Variants in ATP11C observed in about 807,000 individuals in gnomAD.
The protein encoded by ATP11C is ATPase phospholipid transporting 11C (ATP11C blood group).
ATP11C carries 36 observed loss-of-function variants against 97.4 expected under a neutral mutation model. The ratio of observed to expected loss-of-function variants is 0.37; its 90% CI spans 0.28 to 0.49. ATP11C has a LOEUF of 0.49. Ranked by LOEUF, ATP11C falls within the 20% of genes least tolerant of loss-of-function variation. The pLI, the probability that ATP11C is intolerant of heterozygous loss-of-function variation, is 0.98. For missense variants in ATP11C, 730 were observed against 824.6 expected (o/e 0.89, Z 1.40); for synonymous variants, 275 against 290.9 (o/e 0.95, Z 0.56).
intron 25 of ATP11C, 99 bp downstream of exon 25, chrX:139,745,623 G>A: frequency 5.5e-6 from 5 of 901,969 alleles, no homozygotes; most frequent in Non-Finnish European, 7.5e-6. Context: ...TTTGTAAAAT[G>A]ATTACAGCTA....
chrX:139,910,591 G>C (rs765639058), intron 1 of ATP11C, among the ~76,000 whole-genome samples: 42 of 106,384 alleles, frequency 3.9e-4, no homozygotes, highest in African/African-American at 1.5e-3. Flanking sequence ...GGGTGACAGA[G>C]TGAGACTCTG....
At chrX:139,755,232 C>T (rs1937208229) in intron 23 of ATP11C, among the ~76,000 whole-genome samples, 2 of 111,748 alleles carry the variant, frequency 1.8e-5, no homozygotes, top group Admixed American at 1.9e-4. Context: ...ATCCCATTCA[C>T]AACAGCCACA....
chrX:139,845,668 C>T (rs1003831234), intron 1 of ATP11C, among the ~76,000 whole-genome samples: 4 of 111,973 alleles, frequency 3.6e-5, no homozygotes, highest in African/African-American at 1.3e-4. Context: ...TTAATTTTTA[C>T]TGTATTCATC....
chrX:139,781,271 A>T (rs887329780), intron 18 of ATP11C, among the ~76,000 whole-genome samples: 1 of 112,272 alleles, frequency 8.9e-6, no homozygotes, highest in African/African-American at 3.2e-5. Flanking sequence ...TATGTTTGTA[A>T]CTTTTTAATT....
At chrX:139,895,259 CT>C (rs1453547561) in intron 1 of ATP11C, among the ~76,000 whole-genome samples, 1 of 111,899 alleles carries the variant, frequency 8.9e-6, no homozygotes, top group Non-Finnish European at 1.9e-5. Context: ...AAAATCCCTA[CT>C]TTTAGAATAA....
intron 13 of ATP11C, 104 bp downstream of exon 13, chrX:139,789,223 C>A: frequency 9.4e-6 from 6 of 639,129 alleles, no homozygotes; most frequent in South Asian, 4.4e-5. Context: ...AACAAAAACA[C>A]AAAAGTCTAT....
At chrX:139,853,420 CAG>C (rs1603401945) in intron 1 of ATP11C, among the ~76,000 whole-genome samples, 1 of 95,129 alleles carries the variant, frequency 1.1e-5, no homozygotes, top group Admixed American at 1.0e-4. Flanking sequence ...GAGGAAGAGA[CAG>C]AGGAAGAGAC....
At chrX:139,747,711 A>G (rs189830650) in intron 24 of ATP11C, among the ~76,000 whole-genome samples, 3 of 112,168 alleles carry the variant, frequency 2.7e-5, no homozygotes, top group Non-Finnish European at 5.6e-5. Context: ...TCTATAATAC[A>G]CTACACAACG....
chrX:139,818,920 TGA>T (rs990160276), intron 3 of ATP11C, among the ~76,000 whole-genome samples: 16 of 111,995 alleles, frequency 1.4e-4, no homozygotes, highest in African/African-American at 5.2e-4. Context: ...AGTAAATGAA[TGA>T]GAGAGAGCAA....
At chrX:139,929,914 A>G (rs1355336792) in intron 1 of ATP11C, among the ~76,000 whole-genome samples, 1 of 111,291 alleles carries the variant, frequency 9.0e-6, no homozygotes. Flanking sequence ...GCCGTTTTTT[A>G]GCAATGATTA....
chrX:139,804,499 G>A lies in ATP11C; in HGVS notation c.527C>T (p.Ala176Val), dbSNP rs2082999424. 8.3e-7 allele frequency: 1 copy of A among 1,205,888 alleles called. No homozygotes were observed. The highest frequency in any genetic ancestry group is 2.2e-5 in the Admixed American group (1 of 45,867). Reference protein sequence around the residue: ...TTDGTCYVTTASLDGESNCKT... With the variant: ...TTDGTCYVTTVSLDGESNCKT... ...GCAATTGGATTCCCCATCAAGACTG[G>A]CTGTAGTGACATAACAGGTTCCATC... Residue 176 changes from alanine to valine, a missense_variant, in exon 6 of 30, where the codon GCC (alanine) becomes GTC (valine). Ala to Val is a moderately conservative substitution (Grantham distance 64). Coordinates refer to ENST00000682941, the MANE Select transcript of ATP11C (RefSeq NM_001353812.2).
chrX:139,845,283 C>A (rs1003477486), intron 1 of ATP11C, among the ~76,000 whole-genome samples: 11 of 111,888 alleles, frequency 9.8e-5, no homozygotes, highest in Admixed American at 9.4e-5. Flanking sequence ...GATTTAGTGA[C>A]CAGAGGGCAA....
At chrX:139,854,603 GAA>G (rs1395124216) in intron 1 of ATP11C, among the ~76,000 whole-genome samples, 1 of 109,361 alleles carries the variant, frequency 9.1e-6, no homozygotes, top group East Asian at 2.8e-4. Flanking sequence ...AGCCGTGAAA[GAA>G]AAAAAAAGTG....
At chrX:139,934,362 C>T (rs2085498772), upstream of ATP11C, among the ~76,000 whole-genome samples, 1 of 110,592 alleles carries the variant, frequency 9.0e-6, no homozygotes, top group Non-Finnish European at 1.9e-5. Flanking sequence ...GTTTTCAATT[C>T]TTCCCCTCTT....
chrX:139,861,135 T>A (rs1400760433), intron 1 of ATP11C, among the ~76,000 whole-genome samples: 3 of 112,039 alleles, frequency 2.7e-5, no homozygotes, highest in Non-Finnish European at 3.8e-5. Flanking sequence ...TTAACAAGAC[T>A]AATCTGTTTT....
intron 1 of ATP11C, among the ~76,000 whole-genome samples, chrX:139,853,833 C>CAAAAAA (rs934664774): frequency 1.9e-4 from 4 of 21,267 alleles, no homozygotes; most frequent in Non-Finnish European, 2.5e-4. Context: ...TATCCTAAGT[C>CAAAAAA]AAAAAAAAAA....
intron 1 of ATP11C, among the ~76,000 whole-genome samples, chrX:139,930,679 T>C (rs1319253259): frequency 8.9e-6 from 1 of 112,268 alleles, no homozygotes; most frequent in Non-Finnish European, 1.9e-5. Context: ...ATGATTGATA[T>C]GTACAACCTC....
chrX:139,810,754 A>C (rs953558440), intron 5 of ATP11C, among the ~76,000 whole-genome samples: 1 of 111,152 alleles, frequency 9.0e-6, no homozygotes, highest in African/African-American at 3.3e-5. Context: ...ATTGTTCCTC[A>C]TTCTCTGCCC....
At chrX:139,857,046 T>G (rs767244290) in intron 1 of ATP11C, among the ~76,000 whole-genome samples, 2 of 112,153 alleles carry the variant, frequency 1.8e-5, no homozygotes, top group Non-Finnish European at 3.8e-5. Context: ...CTTTACAGGA[T>G]GGCTAGAAAA....
Sources: allele counts gnomAD v4.1 joint callset (sites outside exome capture counted in the v4.1 genomes callset), GRCh38; gene constraint gnomAD v4.1.1; transcripts MANE v1.5; gene names NCBI Gene and HGNC (gene_info 2026-07-23, HGNC 2026-07-21).